Variants in FNDC3B observed in about 807,000 individuals in gnomAD.
FNDC3B encodes the protein fibronectin type III domain containing 3B, also known as fibronectin type III domain-containing protein 3B.
FNDC3B carries 12 observed loss-of-function variants against 151.5 expected under a neutral mutation model. That is an observed-to-expected ratio of 0.08 (90% CI 0.05 to 0.13). The LOEUF is 0.13. Among genes scored for constraint, FNDC3B ranks in the 10% least tolerant of loss-of-function variants. FNDC3B has a pLI of 1.00. For missense variants in FNDC3B, 1,214 were observed against 1,505.3 expected, an observed-to-expected ratio of 0.81 and a Z score of 3.20; for synonymous variants, 528 against 549.0, an observed-to-expected ratio of 0.96 and a Z score of 0.54.
At position 172,243,444 on chromosome 3, in the gene FNDC3B, G is replaced by A. The variant is rs1451073514; in HGVS notation, c.265-4089G>A. Reference sequence around the variant, plus strand: ...GCCTCACAATCATGGTGGAAGGCAAGGAGGACCAAGTCACATCTTACATGG... The same window carrying A: ...GCCTCACAATCATGGTGGAAGGCAAAGAGGACCAAGTCACATCTTACATGG... On this transcript the variant is annotated intron_variant, in intron 4 of 25. Coordinates refer to ENST00000415807, the MANE Select transcript of FNDC3B (RefSeq NM_022763.4). Among the ~76,000 whole-genome samples the A allele has an allele frequency of 3.9e-5, 6 of 152,020 alleles. No homozygotes were observed. In the South Asian group the frequency reaches 1.2e-3, roughly 32 times the overall value.
chr3:172,347,431 C>T, intron 21 of FNDC3B, 70 bp downstream of exon 21: 1 of 1,305,090 alleles, frequency 7.7e-7, no homozygotes, highest in South Asian at 1.9e-5. Flanking sequence ...GGGAAACCCA[C>T]TCAAAGGCTT....
rs1721989875 is a variant in FNDC3B, at chr3:172,147,711, T to C, written c.187+14165T>C. On this transcript the variant is annotated intron_variant, in intron 3 of 25. Transcript: ENST00000415807. ...GGTGGGGCCAGAAAATTTGTATTTC[T>C]GAGATGTTCAGGGTGTTACTGATGT... 2.0e-5 allele frequency among the ~76,000 whole-genome samples: 3 copies of C among 152,164 alleles called. 1 individual carries two copies. Among genetic ancestry groups the C allele is most frequent in the South Asian group, 4.1e-4 (2 of 4,834 alleles).
Position 172,397,184 on chromosome 3 carries a change from C to T in FNDC3B, c.3324C>T (p.Ala1108=). 6.2e-7 allele frequency: 1 copy of T among 1,610,910 alleles called. No homozygotes were observed. Among genetic ancestry groups the T allele is most frequent in the Non-Finnish European group, 8.5e-7 (1 of 1,177,906 alleles). ...TGAAGGTGTACAAGGGAGAAGAAGC[C>T]ACATTCCAAATCTCAGGCCTCCAGA... The part of the protein sequence containing the change: ...EYKQVYKGEE[A]TFQISGLQTN... Residue 1108 remains alanine, a synonymous_variant, in exon 26 of 26, where the codon GCC becomes GCT. Transcript: ENST00000415807.
chr3:172,329,154 A>T (rs1477917722), intron 12 of FNDC3B, 78 bp downstream of exon 12: 1 of 1,501,702 alleles, frequency 6.7e-7, no homozygotes, highest in Non-Finnish European at 9.1e-7. Context: ...GCTGGAAGGC[A>T]TGAGGAAGCC....
intron 19 of FNDC3B, among the ~76,000 whole-genome samples, chr3:172,344,472 C>A (rs1291542668): frequency 6.6e-6 from 1 of 152,168 alleles, no homozygotes; most frequent in Non-Finnish European, 1.5e-5. Context: ...CTTTTGTCCT[C>A]ATATCATTCT....
At chr3:172,252,204 GT>G (rs1728117081) in intron 6 of FNDC3B, among the ~76,000 whole-genome samples, 1 of 152,072 alleles carries the variant, frequency 6.6e-6, no homozygotes, top group Admixed American at 6.5e-5. Context: ...TTTGGAGGTA[GT>G]TTAGAGAGAA....
intron 7 of FNDC3B, among the ~76,000 whole-genome samples, chr3:172,291,194 T>G (rs1030061516): frequency 6.6e-6 from 1 of 152,188 alleles, no homozygotes; most frequent in African/African-American, 2.4e-5. Flanking sequence ...TACAGGACAA[T>G]GCGGTTTTAT....
rs562312060 is a variant in FNDC3B at position 172,074,842 on chromosome 3, G to A, written c.-29+35071G>A. On this transcript the variant is annotated intron_variant, in intron 1 of 25. Coordinates refer to ENST00000415807, the MANE Select transcript of FNDC3B (RefSeq NM_022763.4). Reference sequence around the variant, plus strand: ...AACTGCATCTGGCATAATTGGTGTTGTCATCCAGTGTCAAACTATCCACCC... The same window carrying A: ...AACTGCATCTGGCATAATTGGTGTTATCATCCAGTGTCAAACTATCCACCC... Among the ~76,000 whole-genome samples the A allele has an allele frequency of 1.3e-5, 2 of 152,162 alleles. 1 individual carries two copies. Among genetic ancestry groups the A allele is most frequent in the Middle Eastern group, 6.3e-3 (2 of 316 alleles).
At chr3:172,068,967 G>T (rs1265227022) in intron 1 of FNDC3B, among the ~76,000 whole-genome samples, 1 of 152,192 alleles carries the variant, frequency 6.6e-6, no homozygotes, top group Non-Finnish European at 1.5e-5. Context: ...GTCAGTTGTG[G>T]ACTTAGGGTT....
rs528426139 is a variant in FNDC3B, at chr3:172,399,906, T to A, written c.*2431T>A. 1 of 152,790 alleles carries A rather than the reference T, an allele frequency of 6.5e-6. No homozygotes were observed. Among genetic ancestry groups the A allele is most frequent in the African/African-American group, 2.4e-5 (1 of 41,590 alleles). The allele number at this position is 152,790 out of a possible 1,614,324, so 9.5% of individuals were successfully genotyped here. A position where few individuals can be genotyped will look rare whatever the true frequency, so the allele number is the denominator to read the frequency against. ...ATATTTGATCTTCTTGAGATTTTCA[T>A]ACTATCATTTAACCACCAGGAAGCT... On this transcript the variant is annotated 3_prime_UTR_variant, in exon 26 of 26. Transcript: ENST00000415807.
chr3:172,380,843 C>T, intron 24 of FNDC3B, 123 bp from the exon 25 acceptor site: 1 of 1,115,120 alleles, frequency 9.0e-7, no homozygotes, highest in Non-Finnish European at 1.3e-6. Context: ...AAATCAGCTC[C>T]TCTCTCAGGG....
intron 2 of FNDC3B, among the ~76,000 whole-genome samples, chr3:172,120,989 C>A (rs530026664): frequency 2.0e-5 from 3 of 152,154 alleles, no homozygotes; most frequent in African/African-American, 7.2e-5. Flanking sequence ...AACAACAACC[C>A]AGAAGATATG....
At chr3:172,251,600 T>C (rs1300431117) in intron 6 of FNDC3B, 59 bp downstream of exon 6, 2 of 1,464,102 alleles carry the variant, frequency 1.4e-6, no homozygotes, top group Non-Finnish European at 1.8e-6. Context: ...TCTCAAATGA[T>C]GTTTCCACAT....
chr3:172,063,558 G>A (rs774887087), intron 1 of FNDC3B, among the ~76,000 whole-genome samples: 2 of 152,146 alleles, frequency 1.3e-5, no homozygotes, highest in Non-Finnish European at 2.9e-5. Context: ...ATTCTGAATT[G>A]TCTGTGACTG....
At chr3:172,375,089 A>T (rs1279975075) in intron 23 of FNDC3B, among the ~76,000 whole-genome samples, 2 of 152,002 alleles carry the variant, frequency 1.3e-5, no homozygotes, top group African/African-American at 4.8e-5. Context: ...TACCTCTTTT[A>T]TTTCCTTAAG....
intron 13 of FNDC3B, among the ~76,000 whole-genome samples, chr3:172,332,735 T>C (rs539538373): frequency 6.6e-6 from 1 of 152,312 alleles, no homozygotes; most frequent in East Asian, 1.9e-4. Flanking sequence ...TCAGCCACAC[T>C]TTACTGCATA....
chr3:172,358,246 A>C (rs1308303743), intron 22 of FNDC3B, among the ~76,000 whole-genome samples: 1 of 152,248 alleles, frequency 6.6e-6, no homozygotes, highest in African/African-American at 2.4e-5. Context: ...GTAGATGTCA[A>C]ACCTAGCTTT....
intron 1 of FNDC3B, among the ~76,000 whole-genome samples, chr3:172,089,297 G>C (rs1275884778): frequency 6.6e-6 from 1 of 151,990 alleles, no homozygotes; most frequent in Non-Finnish European, 1.5e-5. Flanking sequence ...TGTGTTATAG[G>C]GGTACAGTAT....
chr3:172,148,538 T>A (rs887372488), intron 3 of FNDC3B: 2 of 152,172 alleles, frequency 1.3e-5, no homozygotes, highest in African/African-American at 4.8e-5. Flanking sequence ...GAACATTGCC[T>A]ACAGAAGAGA....
Sources: gnomAD v4.1 joint callset for allele counts (sites outside exome capture counted in the v4.1 genomes callset) on GRCh38, gnomAD v4.1.1 for gene constraint, MANE v1.5 for transcripts, NCBI Gene and HGNC (gene_info 2026-07-23, HGNC 2026-07-21) for gene names.